The following LEKR1 variants were observed in gnomAD, a reference collection of about 807,000 sequenced individuals.
LEKR1 encodes leucine, glutamate and lysine rich 1.
LEKR1 carries 59 observed loss-of-function variants against 72.4 expected under a neutral mutation model. The ratio of observed to expected loss-of-function variants is 0.82; its 90% CI spans 0.66 to 1.01. The LOEUF is 1.01. LEKR1 is among the 50% of genes least tolerant of loss of function. LEKR1 has a pLI of 0.00. For missense variants in LEKR1, 728 were observed against 759.2 expected, an observed-to-expected ratio of 0.96 and a Z score of 0.48; for synonymous variants, 257 against 263.2, an observed-to-expected ratio of 0.98 and a Z score of 0.23.
chr3:157,022,118 C>T (rs10936052), intron 10 of LEKR1, among the ~76,000 whole-genome samples: 13,085 of 152,100 alleles, frequency 0.086, 612 homozygotes, highest in African/African-American at 0.1. Context: ...GGCAGCAAAG[C>T]GAGATGGAAT....
At chr3:156,910,296 C>A (rs1722982021) in intron 3 of LEKR1, among the ~76,000 whole-genome samples, 1 of 152,158 alleles carries the variant, frequency 6.6e-6, no homozygotes, top group Non-Finnish European at 1.5e-5. Context: ...TCCTTCCCTC[C>A]TTTCTCTAGC....
intron 6 of LEKR1, among the ~76,000 whole-genome samples, chr3:156,969,695 A>C (rs1728980347): frequency 6.6e-6 from 1 of 152,346 alleles, no homozygotes; most frequent in South Asian, 2.1e-4. Flanking sequence ...CCAGAGGTAC[A>C]AGGAGGAGCT....
intron 6 of LEKR1, among the ~76,000 whole-genome samples, chr3:156,955,768 G>T (rs1447132286): frequency 6.6e-6 from 1 of 151,858 alleles, no homozygotes; most frequent in African/African-American, 2.4e-5. Context: ...GAGGATTTTT[G>T]CATTGATGTT....
At chr3:156,846,237 A>G (rs537032647) in intron 2 of LEKR1, among the ~76,000 whole-genome samples, 1 of 152,102 alleles carries the variant, frequency 6.6e-6, no homozygotes, top group Non-Finnish European at 1.5e-5. Context: ...GGGATTTTCT[A>G]TGTAGATAAT....
intron 3 of LEKR1, among the ~76,000 whole-genome samples, chr3:156,887,442 TG>T (rs1286692125): frequency 1.3e-5 from 2 of 152,206 alleles, no homozygotes; most frequent in Non-Finnish European, 2.9e-5. Flanking sequence ...AAAGTAGAAT[TG>T]TTTTTTCAGG....
At chr3:156,979,148 A>C in intron 6 of LEKR1, 46 bp from the exon 7 acceptor site, 1 of 826,820 alleles carries the variant, frequency 1.2e-6, no homozygotes, top group Non-Finnish European at 1.8e-6. Flanking sequence ...AAATATCTGG[A>C]CACTTAAAAT....
chr3:156,877,247 C>T (rs769891022), intron 3 of LEKR1, among the ~76,000 whole-genome samples: 14 of 151,920 alleles, frequency 9.2e-5, no homozygotes, highest in Non-Finnish European at 1.5e-4. Flanking sequence ...AGTATTTTTG[C>T]ATCTATGTCC....
chr3:156,897,331 T>C lies in LEKR1; in HGVS notation c.264-23244T>C, dbSNP rs1158841658. Among the ~76,000 whole-genome samples the C allele has an allele frequency of 2.0e-5, 3 of 152,170 alleles. No individual in the cohort carries two copies. The South Asian group carries it at 6.2e-4, about 32-fold the overall frequency. On this transcript the variant is annotated intron_variant, in intron 3 of 12. Coordinates refer to ENST00000356539, the MANE Select transcript of LEKR1 (RefSeq NM_001004316.3). ...TGTGTTGATGGAAAGGGTCAAACTC[T>C]GTAAGATTTTGAAGAGATTTATTCT...
chr3:156,978,304 A>ATATG lies in LEKR1; in HGVS notation c.746-890_746-889insTATG, dbSNP rs1729883096. Among the ~76,000 whole-genome samples, 3 of 152,364 alleles carry ATATG rather than the reference A, an allele frequency of 2.0e-5. No homozygotes were observed. In the South Asian group the frequency reaches 6.2e-4, roughly 32 times the overall value. ...TTTATGTATTTATATGGATGCATAA[A>ATATG]GATTTTAAAGTTTACTATTAAAATA... On this transcript the variant is annotated intron_variant, in intron 6 of 12. Coordinates refer to ENST00000356539, the MANE Select transcript of LEKR1 (RefSeq NM_001004316.3).
chr3:156,882,155 T>C (rs1560048998), intron 3 of LEKR1, among the ~76,000 whole-genome samples: 2 of 151,068 alleles, frequency 1.3e-5, no homozygotes, highest in Non-Finnish European at 3.0e-5. Flanking sequence ...ACAAATGGGA[T>C]CTAATTAAAC....
intron 10 of LEKR1, among the ~76,000 whole-genome samples, chr3:157,015,961 T>C (rs1317166656): frequency 1.3e-5 from 2 of 152,078 alleles, no homozygotes; most frequent in Non-Finnish European, 2.9e-5. Context: ...AGATTAGACA[T>C]TCCAGAAGAA....
Position 157,045,718 on chromosome 3 carries a change from G to C in LEKR1, c.2047G>C (p.Ala683Pro), listed in dbSNP as rs746474654. Residue 683 changes from alanine to proline, a missense_variant, in exon 13 of 13, where the codon GCC (alanine) becomes CCC (proline). Transcript: ENST00000356539. ...AAATGAGACTAGACAGAGACTGGCT[G>C]CCATTCTTAGGAGAAGGCGGAGTCA... is the stretch of plus-strand genomic sequence containing the variant. ...SANETRQRLA[A>P]ILRRRRSQQ 1 of 1,611,348 alleles carries C rather than the reference G, an allele frequency of 6.2e-7. No homozygotes were observed.
intron 2 of LEKR1, among the ~76,000 whole-genome samples, chr3:156,851,639 T>C (rs62273958): frequency 0.032 from 4,838 of 152,232 alleles, 116 homozygotes; most frequent in Non-Finnish European, 0.047. Flanking sequence ...ATTTTTACTA[T>C]TAAAGTTTAA....
At chr3:157,030,038 C>G (rs1316762883) in intron 12 of LEKR1, among the ~76,000 whole-genome samples, 1 of 152,138 alleles carries the variant, frequency 6.6e-6, no homozygotes, top group African/African-American at 2.4e-5. Flanking sequence ...TTAGTTGGCT[C>G]ATGGTTCTGC....
At chr3:156,942,407 A>G in intron 5 of LEKR1, 122 bp from the exon 6 acceptor site, 2 of 326,898 alleles carry the variant, frequency 6.1e-6, no homozygotes, top group South Asian at 5.0e-5. Context: ...ATGTCATTAT[A>G]ATCTCAGAAA....
chr3:157,022,997 C>G (rs1733948866), intron 10 of LEKR1, among the ~76,000 whole-genome samples: 1 of 152,204 alleles, frequency 6.6e-6, no homozygotes, highest in Admixed American at 6.5e-5. Context: ...TGACCCCACA[C>G]TGGGGCTAGT....
chr3:156,938,497 C>T (rs565048254), intron 5 of LEKR1, among the ~76,000 whole-genome samples: 2 of 152,258 alleles, frequency 1.3e-5, no homozygotes, highest in African/African-American at 4.8e-5. Context: ...CTGCCTCAGC[C>T]TCCAAAGTAG....
chr3:156,883,883 G>GT (rs1302506779), intron 3 of LEKR1, among the ~76,000 whole-genome samples: 1 of 152,102 alleles, frequency 6.6e-6, no homozygotes, highest in Non-Finnish European at 1.5e-5. Flanking sequence ...GAGTACTGAA[G>GT]TCCTCAACTA....
At chr3:157,014,168 A>G (rs1221881702) in intron 10 of LEKR1, among the ~76,000 whole-genome samples, 1 of 152,112 alleles carries the variant, frequency 6.6e-6, no homozygotes, top group Non-Finnish European at 1.5e-5. Context: ...CACTGCTTAC[A>G]TGATCAAATC....
Sources: allele counts gnomAD v4.1 joint callset (sites outside exome capture counted in the v4.1 genomes callset), GRCh38; gene constraint gnomAD v4.1.1; transcripts MANE v1.5; gene names NCBI Gene and HGNC (gene_info 2026-07-23, HGNC 2026-07-21).